SKIC8: variants seen among roughly 807,000 people sequenced by gnomAD.
The protein encoded by SKIC8 is SKI8 subunit of superkiller complex, also known as superkiller complex protein 8.
the SKIC8 span, chr15:78,295,252 G>T: frequency 1.6e-5 from 9 of 558,644 alleles, no homozygotes; most frequent in South Asian, 1.7e-4. Context: ...TTCTTTTTCT[G>T]TTCTGATCAC....
the SKIC8 span, among the ~76,000 whole-genome samples, chr15:78,298,586 A>G: frequency 6.6e-6 from 1 of 152,156 alleles, no homozygotes; most frequent in Non-Finnish European, 1.5e-5. Flanking sequence ...ATTGTGCCTA[A>G]TTTACGAATT....
chr15:78,283,695 C>T, the SKIC8 span: 2 of 455,086 alleles, frequency 4.4e-6, no homozygotes, highest in South Asian at 5.2e-5. Flanking sequence ...TCCATTATTG[C>T]TATTTAATTA....
At chr15:78,289,884 G>A in the SKIC8 span, 1 of 1,576,954 alleles carries the variant, frequency 6.3e-7, no homozygotes, top group Non-Finnish European at 8.6e-7. Flanking sequence ...CTGTGGCAAG[G>A]ACTGCAACAG....
the SKIC8 span, chr15:78,292,670 G>A: frequency 3.1e-6 from 5 of 1,614,050 alleles, no homozygotes; most frequent in Non-Finnish European, 4.2e-6. Context: ...TCCCAAAGAC[G>A]AATATGAGCA....
chr15:78,283,286 CATGA>C, the SKIC8 span: 5 of 595,520 alleles, frequency 8.4e-6, no homozygotes, highest in East Asian at 1.4e-4. Flanking sequence ...TCCAATAAAA[CATGA>C]AAAGATTCAT....
chr15:78,293,412 T>G, the SKIC8 span: 1 of 784,106 alleles, frequency 1.3e-6, no homozygotes, highest in Admixed American at 3.0e-5. Flanking sequence ...ACAGCTTTTA[T>G]TGAAATTTTG....
the SKIC8 span, among the ~76,000 whole-genome samples, chr15:78,297,743 C>T: frequency 4.1e-4 from 63 of 152,288 alleles, no homozygotes; most frequent in Middle Eastern, 3.4e-3. Context: ...TCACGGCCCT[C>T]GCAATTCTAC....
At chr15:78,295,925 C>G in the SKIC8 span, 1 of 437,122 alleles carries the variant, frequency 2.3e-6, no homozygotes, top group Non-Finnish European at 4.0e-6. Flanking sequence ...AACCTAGGGA[C>G]TCAACTAACA....
chr15:78,288,700 C>T, the SKIC8 span: 1 of 372,676 alleles, frequency 2.7e-6, no homozygotes, highest in African/African-American at 2.1e-5. Flanking sequence ...TAAGGTTGAA[C>T]AAATTAAGGT....
chr15:78,299,605 A>C, the SKIC8 span: 1 of 152,328 alleles, frequency 6.6e-6, no homozygotes, highest in Non-Finnish European at 1.5e-5. Flanking sequence ...GCTCCGCGCG[A>C]CTGCGACGCG....
At chr15:78,289,961 C>A in the SKIC8 span, 1 of 1,613,528 alleles carries the variant, frequency 6.2e-7, no homozygotes, top group East Asian at 2.2e-5. Flanking sequence ...ATATGCAATA[C>A]TAAGAATGAA....
At chr15:78,298,820 T>C in the SKIC8 span, among the ~76,000 whole-genome samples, 2 of 152,158 alleles carry the variant, frequency 1.3e-5, no homozygotes, top group Admixed American at 6.5e-5. Flanking sequence ...ATTTTTTTAT[T>C]ATCAGTTCCA....
chr15:78,289,445 C>CA, the SKIC8 span, among the ~76,000 whole-genome samples: 10 of 151,758 alleles, frequency 6.6e-5, no homozygotes, highest in Middle Eastern at 3.4e-3. Flanking sequence ...AACAAAAAAA[C>CA]AAAAAAAACT....
the SKIC8 span, chr15:78,289,961 C>T: frequency 6.2e-7 from 1 of 1,613,528 alleles, no homozygotes; most frequent in South Asian, 1.1e-5. Flanking sequence ...ATATGCAATA[C>T]TAAGAATGAA....
chr15:78,295,009 C>A, the SKIC8 span: 2 of 1,613,692 alleles, frequency 1.2e-6, no homozygotes, highest in South Asian at 2.2e-5. Flanking sequence ...AACCCATGGT[C>A]AGATTTCAGA....
At chr15:78,295,845 T>A in the SKIC8 span, 3 of 785,124 alleles carry the variant, frequency 3.8e-6, no homozygotes, top group Non-Finnish European at 5.8e-6. Flanking sequence ...TCTGACACCC[T>A]TCTATGGATC....
At chr15:78,296,007 C>T in the SKIC8 span, 179 of 303,504 alleles carry the variant, frequency 5.9e-4, 1 homozygote, top group Non-Finnish European at 8.8e-4. Flanking sequence ...TCCTTTCCTG[C>T]TCTTTAGAGA....
the SKIC8 span, chr15:78,284,481 T>G: frequency 6.6e-6 from 1 of 152,222 alleles, no homozygotes; most frequent in Non-Finnish European, 1.5e-5. Context: ...AATATTATAT[T>G]GCCATGGACA....
chr15:78,285,325 CTT>C, the SKIC8 span: 1 of 1,614,208 alleles, frequency 6.2e-7, no homozygotes, highest in South Asian at 1.1e-5. Flanking sequence ...AACTTTTACA[CTT>C]TTGTCAGACG....
Sources: allele counts gnomAD v4.1 joint callset (sites outside exome capture counted in the v4.1 genomes callset), GRCh38; gene constraint gnomAD v4.1.1; transcripts MANE v1.5; gene names NCBI Gene and HGNC (gene_info 2026-07-23, HGNC 2026-07-21).